The following BEND3 variants were observed in gnomAD, a reference collection of about 807,000 sequenced individuals.
BEND3 encodes BEN domain containing 3.
Under a neutral mutation model 60.1 loss-of-function variants are expected in BEND3, and 13 were observed. The observed-to-expected ratio is 0.22, with a 90% CI of 0.14 to 0.34. The LOEUF is 0.34. BEND3 is among the 10% of genes least tolerant of loss of function. The pLI, the probability that BEND3 is intolerant of heterozygous loss-of-function variation, is 1.00. For missense variants in BEND3, 896 were observed against 1,138.1 expected, an observed-to-expected ratio of 0.79 and a Z score of 3.06; for synonymous variants, 497 against 491.5, an observed-to-expected ratio of 1.01 and a Z score of -0.15.
At position 107,070,529 on chromosome 6, in the gene BEND3, G is replaced by A. The variant is rs1554231857; in HGVS notation, c.662C>T (p.Ser221Phe). The A allele has an allele frequency of 1.2e-6, 2 of 1,613,792 alleles. No individual in the cohort carries two copies. The highest frequency in any genetic ancestry group is 1.7e-6 in the Non-Finnish European group (2 of 1,180,034). Reference sequence around the variant, plus strand: ...CTTCTTGATGCGGCTCACCTCAAGGGAGAGCAGGTCCACCTTGCTGTGCAG... The same window carrying A: ...CTTCTTGATGCGGCTCACCTCAAGGAAGAGCAGGTCCACCTTGCTGTGCAG... ...SQLHSKVDLL[S>F]LEVSRIKKQV... The change falls in exon 4 of 4, where the codon TCC (serine) becomes TTC (phenylalanine). Residue 221 changes from serine (S) to phenylalanine (F), a missense_variant. Around this residue, in one of 4 missense-constraint regions of BEND3, gnomAD observed 846 missense variants for 1,036.7 expected, o/e 0.82. Coordinates refer to ENST00000369042, the MANE Select transcript of BEND3 (RefSeq NM_001367314.1). This position sits in a 1 kb window ranked among gnomAD's most constrained non-coding sequence, Gnocchi z 6.9.
chr6:107,114,887 C>G (rs1350325916), intron 1 of BEND3, among the ~76,000 whole-genome samples: 2 of 149,244 alleles, frequency 1.3e-5, no homozygotes, highest in Non-Finnish European at 3.0e-5. Context: ...CGTGGGCGCC[C>G]GGCGCCCGCT....
chr6:107,073,224 T>TGTGAGC (rs1554232336), intron 3 of BEND3, among the ~76,000 whole-genome samples: 1 of 10,610 alleles, frequency 9.4e-5, no homozygotes, highest in African/African-American at 3.4e-4. Flanking sequence ...TATATATATA[T>TGTGAGC]ATATATATAT....
chr6:107,086,546 C>T (rs1337886227), intron 3 of BEND3, among the ~76,000 whole-genome samples: 4 of 151,392 alleles, frequency 2.6e-5, no homozygotes, highest in Admixed American at 6.6e-5. Flanking sequence ...ATCTGGGAGG[C>T]GAAGGTTGCA....
intron 3 of BEND3, among the ~76,000 whole-genome samples, chr6:107,085,695 G>A (rs2115012647): frequency 6.6e-6 from 1 of 151,828 alleles, no homozygotes; most frequent in South Asian, 2.1e-4. Flanking sequence ...GTTTCACTGT[G>A]TTAGCCAGGA....
At position 107,069,808 on chromosome 6, in the gene BEND3, G is replaced by A. The variant is rs782112705; in HGVS notation, c.1383C>T (p.Asp461=). ...GCAGCCAGGCCTCCTCCTCCTGCAT[G>A]TCAGGGAAGTAGATCTCCGTGTAGT... ...IRNYTEIYFP[D]MQEEEAWLQQ... is the part of the protein sequence containing the mutation. Residue 461 remains aspartate, a synonymous_variant, in exon 4 of 4, where the codon GAC becomes GAT. Transcript: ENST00000369042. 1.6e-5 allele frequency: 26 copies of A among 1,613,338 alleles called. No homozygotes were observed. In the Admixed American group the frequency reaches 2.7e-4, roughly 17 times the overall value.
In BEND3 at chr6:107,098,498, G is replaced by C. The variant is rs2115026951; in HGVS notation, c.240+53C>G. On this transcript the variant is annotated intron_variant, in intron 3 of 3. Coordinates refer to ENST00000369042, the MANE Select transcript of BEND3 (RefSeq NM_001367314.1). ...CAAAACAAGAGGGAGATTCAGCATGGAATCAGAGAGGGTTAGAGCCCAAGC... is the reference window on the plus strand; with the variant it reads ...CAAAACAAGAGGGAGATTCAGCATGCAATCAGAGAGGGTTAGAGCCCAAGC... The C allele has an allele frequency of 3.2e-6, 5 of 1,571,398 alleles. No individual in the cohort carries two copies. In the Admixed American group the frequency reaches 5.1e-5, roughly 16 times the overall value.
intron 3 of BEND3, among the ~76,000 whole-genome samples, chr6:107,074,886 G>A (rs1554232566): frequency 6.6e-6 from 1 of 152,102 alleles, no homozygotes; most frequent in Non-Finnish European, 1.5e-5. Context: ...TGGATCACGA[G>A]GTCAGGAGAT....
intron 3 of BEND3, among the ~76,000 whole-genome samples, chr6:107,078,060 T>A (rs1554232969): frequency 1.3e-5 from 2 of 152,320 alleles, no homozygotes; most frequent in South Asian, 2.1e-4. Context: ...ACCTCCCACA[T>A]CTGCTGTATT....
chr6:107,112,519 T>C (rs1433335819), intron 1 of BEND3, among the ~76,000 whole-genome samples: 2 of 152,072 alleles, frequency 1.3e-5, no homozygotes, highest in East Asian at 3.9e-4. Flanking sequence ...CCCATTATAT[T>C]AGTTCTTCAG....
intron 3 of BEND3, among the ~76,000 whole-genome samples, chr6:107,090,470 G>A (rs1315254788): frequency 6.6e-6 from 1 of 152,184 alleles, no homozygotes; most frequent in Non-Finnish European, 1.5e-5. Context: ...GTGCATCAGG[G>A]AAGGAATAAC....
At position 107,093,171 on chromosome 6, in the gene BEND3, C is replaced by T. The variant is rs139864383; in HGVS notation, c.240+5380G>A. Reference sequence around the variant, plus strand: ...ACAGACAAAAGCCCAGAATAGCCAACACAATAGTGAAAGAAAAGAACACAG... The same window carrying T: ...ACAGACAAAAGCCCAGAATAGCCAATACAATAGTGAAAGAAAAGAACACAG... On this transcript the variant is annotated intron_variant, in intron 3 of 3. Transcript: ENST00000369042. Among the ~76,000 whole-genome samples the T allele has an allele frequency of 5.6e-3, 849 of 152,238 alleles. 9 individuals are homozygous for T. The highest frequency in any genetic ancestry group is 0.019 in the African/African-American group (808 of 41,556).
At chr6:107,109,475 A>G (rs1213242666) in intron 1 of BEND3, among the ~76,000 whole-genome samples, 2 of 136,526 alleles carry the variant, frequency 1.5e-5, no homozygotes, top group African/African-American at 5.3e-5. Context: ...TGGGGCAGGC[A>G]TAGTGGCTTA....
rs781871218 is a variant in BEND3 at position 107,069,915 on chromosome 6, G to T, written c.1276C>A (p.Arg426Ser). 23 of 1,613,770 alleles carry T rather than the reference G, an allele frequency of 1.4e-5. No individual in the cohort carries two copies. The highest frequency in any genetic ancestry group is 1.9e-5 in the Non-Finnish European group (22 of 1,180,022). Residue 426 changes from arginine to serine, a missense_variant, in exon 4 of 4, where the codon CGC becomes AGC. Coordinates refer to ENST00000369042, the MANE Select transcript of BEND3 (RefSeq NM_001367314.1). ...HRLFPELFDH[R>S]KLGEQYSCYG... Reference sequence around the variant, plus strand: ...CAGCTGTACTGTTCACCCAGCTTGCGGTGGTCGAAGAGCTCGGGGAAGAGC... The same window carrying T: ...CAGCTGTACTGTTCACCCAGCTTGCTGTGGTCGAAGAGCTCGGGGAAGAGC...
At chr6:107,092,517 A>G (rs1446707156) in intron 3 of BEND3, among the ~76,000 whole-genome samples, 1 of 152,202 alleles carries the variant, frequency 6.6e-6, no homozygotes, top group Admixed American at 6.5e-5. Flanking sequence ...CACAGCTAAC[A>G]TTGTACTTAA....
In BEND3 at chr6:107,068,959, G is replaced by A. The variant is rs1554231282; in HGVS notation, c.2232C>T (p.Leu744=). 11 of 1,613,836 alleles carry A rather than the reference G, an allele frequency of 6.8e-6. No homozygotes were observed. The highest frequency in any genetic ancestry group is 1.7e-4 in the Middle Eastern group (1 of 6,060). ...LSVGNFAARL[L]VRLFPELFTA... ...TGAAGAGTTCGGGAAACAGGCGGAC[G>A]AGGAGCCGGGCGGCAAAGTTGCCCA... Residue 744 remains leucine, a synonymous_variant, in exon 4 of 4, where the codon CTC becomes CTT. Coordinates refer to ENST00000369042, the MANE Select transcript of BEND3 (RefSeq NM_001367314.1). This position sits in a 1 kb window ranked among gnomAD's most constrained non-coding sequence, Gnocchi z 5.8.
At position 107,103,959 on chromosome 6, in the gene BEND3, A is replaced by AAAAG. The variant is rs377110388; in HGVS notation, c.-11-4667_-11-4664dup. On this transcript the variant is annotated intron_variant, in intron 1 of 3. Coordinates refer to ENST00000369042, the MANE Select transcript of BEND3 (RefSeq NM_001367314.1). ...GCGAAACTCCGTCTCAAAAAAAAAA[A>AAAAG]AAAGAAAGAAAGAAAGAAAGAAAGA... 6.1e-3 allele frequency among the ~76,000 whole-genome samples: 660 copies of AAAAG among 107,856 alleles called. 5 individuals carry two copies. Among genetic ancestry groups the AAAAG allele is most frequent in the East Asian group, 0.027 (72 of 2,644 alleles). The allele number at this position is 107,856 out of a possible 152,430, so 70.8% of individuals were successfully genotyped here. A position where few individuals can be genotyped will look rare whatever the true frequency, so the allele number is the denominator to read the frequency against.
rs74674629 is a variant in BEND3, at chr6:107,102,795, C to T, written c.-11-3499G>A. Among the ~76,000 whole-genome samples the T allele has an allele frequency of 1.4e-4, 21 of 152,328 alleles. No individual in the cohort carries two copies. In the East Asian group the frequency reaches 4.1e-3, roughly 29 times the overall value. On this transcript the variant is annotated intron_variant, in intron 1 of 3. Coordinates refer to ENST00000369042, the MANE Select transcript of BEND3 (RefSeq NM_001367314.1). ...CCCTGTAACATCTGCAGCCCACCAA[C>T]TTCACACCAGGCACTGGGCTGGCCA...
intron 3 of BEND3, among the ~76,000 whole-genome samples, chr6:107,091,410 G>A (rs2115019443): frequency 6.6e-6 from 1 of 152,162 alleles, no homozygotes; most frequent in Non-Finnish European, 1.5e-5. Flanking sequence ...AAATCCATAT[G>A]CCTCTAGCAG....
chr6:107,088,129 G>A (rs1554234586), intron 3 of BEND3, among the ~76,000 whole-genome samples: 1 of 151,442 alleles, frequency 6.6e-6, no homozygotes, highest in East Asian at 1.9e-4. Context: ...TCCTGCCTCA[G>A]CCTCCTAAGT....
Sources: gnomAD v4.1 joint callset for allele counts (sites outside exome capture counted in the v4.1 genomes callset) on GRCh38, gnomAD v4.1.1 for gene constraint, gnomAD v4.1.1 regional missense constraint, Gnocchi (gnomAD v3.1) non-coding constraint, MANE v1.5 for transcripts, NCBI Gene and HGNC (gene_info 2026-07-23, HGNC 2026-07-21) for gene names.